Variants in PLEKHG1 observed in about 807,000 individuals in gnomAD.
PLEKHG1 encodes the protein pleckstrin homology domain-containing family G member 1.
In PLEKHG1, 44 loss-of-function variants were observed where a neutral mutation model predicts 100.8. That is an observed-to-expected ratio of 0.44 (90% confidence interval 0.34 to 0.56). The LOEUF is 0.56. PLEKHG1 is among the 20% of genes least tolerant of loss of function. The probability of loss-of-function intolerance (pLI) is 0.01; values close to 1 mark genes in which losing one functional copy is unlikely to be tolerated. For synonymous variants in PLEKHG1, 640 were observed against 662.5 expected, an observed-to-expected ratio of 0.97 and a Z score of 0.52; for missense variants, 1,545 against 1,720.9, an observed-to-expected ratio of 0.90 and a Z score of 1.81.
At chr6:150,641,449 A>G (rs2128568220) in intron 2 of PLEKHG1, among the ~76,000 whole-genome samples, 1 of 152,358 alleles carries the variant, frequency 6.6e-6, no homozygotes, top group East Asian at 1.9e-4. Context: ...TAGATATGCT[A>G]ATGAAGGTTT....
At position 150,683,035 on chromosome 6, in the gene PLEKHG1, C is replaced by T. The variant is rs1170624529; in HGVS notation, c.-99+32249C>T. Among the ~76,000 whole-genome samples, 2 of 152,238 alleles carry T rather than the reference C, an allele frequency of 1.3e-5. No homozygotes were observed. The highest frequency in any genetic ancestry group is 2.9e-5 in the Non-Finnish European group (2 of 68,044). ...TACTTAATGCTGATGGCTTCGTGCGCATCTTAACAGTTGACAACTACATCA... is the reference window on the plus strand; with the variant it reads ...TACTTAATGCTGATGGCTTCGTGCGTATCTTAACAGTTGACAACTACATCA... On this transcript the variant is annotated intron_variant, in intron 3 of 3. Coordinates refer to the PLEKHG1 transcript ENST00000367326. The surrounding 1 kb of genome is among the most constrained non-coding windows in gnomAD (Gnocchi z 4.0).
intron 4 of PLEKHG1, among the ~76,000 whole-genome samples, chr6:150,787,230 C>T (rs1354150957): frequency 1.3e-5 from 2 of 152,142 alleles, no homozygotes; most frequent in African/African-American, 4.8e-5. Flanking sequence ...TAATCTCCTA[C>T]ATTTTAAAAA....
chr6:150,714,957 C>T (rs1206503908), intron 3 of PLEKHG1, among the ~76,000 whole-genome samples: 1 of 151,942 alleles, frequency 6.6e-6, no homozygotes, highest in African/African-American at 2.4e-5. Flanking sequence ...TACAGGCGTG[C>T]ACCACCATTG....
chr6:150,638,365 A>G (rs536133459), intron 2 of PLEKHG1, among the ~76,000 whole-genome samples: 1 of 152,216 alleles, frequency 6.6e-6, no homozygotes, highest in Non-Finnish European at 1.5e-5. Flanking sequence ...CTTCTGTAAA[A>G]GCTAGTCCAA....
chr6:150,831,681 T>C lies in PLEKHG1; in HGVS notation c.2570T>C (p.Leu857Pro). 1 of 1,612,944 alleles carries C rather than the reference T, an allele frequency of 6.2e-7. No homozygotes were observed. Among genetic ancestry groups the C allele is most frequent in the Non-Finnish European group, 8.5e-7 (1 of 1,180,014 alleles). Residue 857 changes from leucine (L) to proline (P), a missense_variant, in exon 15 of 16, where the codon CTC (leucine) becomes CCC (proline). Physicochemically the swap from Leu to Pro is moderately conservative, Grantham distance 98. Coordinates refer to ENST00000358517, the Ensembl canonical transcript of PLEKHG1. The surrounding 1 kb of genome is among the most constrained non-coding windows in gnomAD (Gnocchi z 4.1). ...AATGAAGACAAGGCCAGAGACCGTC[T>C]CCTGGCAGCGTTTCCTGTGAGCAAG...
chr6:150,803,577 G>T (rs1194780888), intron 6 of PLEKHG1, among the ~76,000 whole-genome samples: 1 of 152,078 alleles, frequency 6.6e-6, no homozygotes, highest in Non-Finnish European at 1.5e-5. Flanking sequence ...CTGGGAGTGT[G>T]GGCCTCCAGT....
chr6:150,683,857 G>A lies in PLEKHG1; in HGVS notation c.-99+33071G>A, dbSNP rs977690841. 3 of 1,273,132 alleles carry A rather than the reference G, an allele frequency of 2.4e-6. No homozygotes were observed. Among genetic ancestry groups the A allele is most frequent in the Non-Finnish European group, 3.1e-6 (3 of 976,306 alleles). The allele number at this position is 1,273,132 out of a possible 1,614,324, so 78.9% of individuals were successfully genotyped here. ...AGCATCACAGGCGAGTGAAATATGGGAATATTGAAGGGGCCTGGGATGGAG... is the reference window on the plus strand; with the variant it reads ...AGCATCACAGGCGAGTGAAATATGGAAATATTGAAGGGGCCTGGGATGGAG... On this transcript the variant is annotated intron_variant, in intron 3 of 3. Transcript: ENST00000367326. The surrounding 1 kb of genome is among the most constrained non-coding windows in gnomAD (Gnocchi z 4.0).
chr6:150,840,203 G>A, exon 16 of PLEKHG1: 1 of 1,614,196 alleles, frequency 6.2e-7, no homozygotes, highest in African/African-American at 1.3e-5. Flanking sequence ...CCAACAAAGA[G>A]AACTGGTGTC....
intron 1 of PLEKHG1, among the ~76,000 whole-genome samples, chr6:150,620,607 G>T (rs1306323358): frequency 6.6e-6 from 1 of 152,208 alleles, no homozygotes; most frequent in Admixed American, 6.5e-5. Context: ...TAAATTGCCA[G>T]ATCTTACTGA....
chr6:150,822,150 CAAAAAAAAAAAAAAA>C (rs58672381), intron 13 of PLEKHG1, among the ~76,000 whole-genome samples: 5 of 36,736 alleles, frequency 1.4e-4, no homozygotes, highest in African/African-American at 1.8e-4. Flanking sequence ...CCAAAGGACT[CAAAAAAAAAAAAAAA>C]AAAAAAAAAA....
At chr6:150,684,823 C>T (rs1406032996) in intron 3 of PLEKHG1, among the ~76,000 whole-genome samples, 2 of 151,800 alleles carry the variant, frequency 1.3e-5, no homozygotes, top group African/African-American at 4.9e-5. Context: ...ACTTCATGGG[C>T]TTGCTGTTGA....
upstream of PLEKHG1, among the ~76,000 whole-genome samples, chr6:150,718,544 A>G (rs562660475): frequency 3.4e-5 from 5 of 145,828 alleles, no homozygotes; most frequent in South Asian, 1.1e-3. Flanking sequence ...ATCTCGGCTC[A>G]CTACAACCTC....
intron 3 of PLEKHG1, among the ~76,000 whole-genome samples, chr6:150,715,549 A>T (rs1781397204): frequency 6.8e-6 from 1 of 146,062 alleles, no homozygotes; most frequent in Non-Finnish European, 1.5e-5. Context: ...GTGCAGTGGC[A>T]TGATCTCGGC....
intron 3 of PLEKHG1, among the ~76,000 whole-genome samples, chr6:150,705,437 C>A (rs151024094): frequency 6.6e-6 from 1 of 152,236 alleles, no homozygotes; most frequent in African/African-American, 2.4e-5. Flanking sequence ...CAGAGAGAAA[C>A]ATGGAAAGCG....
At chr6:150,619,704 G>A (rs538162798) in intron 1 of PLEKHG1, among the ~76,000 whole-genome samples, 4 of 152,298 alleles carry the variant, frequency 2.6e-5, no homozygotes, top group African/African-American at 7.2e-5. Context: ...AAAATAAAAT[G>A]TGTGCTTCTG....
chr6:150,724,923 A>G (rs1781886808), intron 1 of PLEKHG1, among the ~76,000 whole-genome samples: 1 of 152,132 alleles, frequency 6.6e-6, no homozygotes, highest in African/African-American at 2.4e-5. Context: ...AGCTAAGGCA[A>G]TTTATCTAAT....
In PLEKHG1 at chr6:150,825,454, G is replaced by A. The variant is rs138730338; in HGVS notation, c.1470+1778G>A. Among the ~76,000 whole-genome samples the A allele has an allele frequency of 4.8e-3, 725 of 152,224 alleles. 2 individuals are homozygous for A. Among genetic ancestry groups the A allele is most frequent in the South Asian group, 0.022 (107 of 4,822 alleles). Reference sequence around the variant, plus strand: ...AAATGAGCTGGGTGTGGTGGCTTGTGCCTGTGGTCCCAGCTACTTGGGAAG... The same window carrying A: ...AAATGAGCTGGGTGTGGTGGCTTGTACCTGTGGTCCCAGCTACTTGGGAAG... On this transcript the variant is annotated intron_variant, in intron 14 of 15. Transcript: ENST00000358517.
Sources: allele counts gnomAD v4.1 joint callset (sites outside exome capture counted in the v4.1 genomes callset), GRCh38; gene constraint gnomAD v4.1.1; non-coding constraint Gnocchi (gnomAD v3.1); transcripts MANE v1.5; gene names NCBI Gene and HGNC (gene_info 2026-07-23, HGNC 2026-07-21).